EHMT1: variants seen among roughly 807,000 people sequenced by gnomAD.
The protein encoded by EHMT1 is euchromatic histone lysine methyltransferase 1, also known as histone-lysine N-methyltransferase EHMT1.
EHMT1 carries 15 observed loss-of-function variants against 147.2 expected under a neutral mutation model. That is an observed-to-expected ratio of 0.10 (90% CI 0.07 to 0.16). The LOEUF (loss-of-function observed/expected upper bound fraction) is 0.16. Among genes scored for constraint, EHMT1 ranks in the 10% least tolerant of loss-of-function variants. The pLI, the probability that EHMT1 is intolerant of heterozygous loss-of-function variation, is 1.00. For synonymous variants in EHMT1, 795 were observed against 709.6 expected (o/e 1.12, Z -1.91); for missense variants, 1,587 against 1,772.4 (o/e 0.90, Z 1.88).
At chr9:137,715,600 A>G (rs923584494) in intron 2 of EHMT1, 4 of 985,420 alleles carry the variant, frequency 4.1e-6, no homozygotes, top group Non-Finnish European at 4.8e-6. Context: ...TAGCGATGCC[A>G]TCGCAGGCTT....
At chr9:137,715,557 G>A (rs775469488) in intron 2 of EHMT1, 14 of 985,332 alleles carry the variant, frequency 1.4e-5, no homozygotes, top group Non-Finnish European at 1.7e-5. Context: ...CTGGGCGGTG[G>A]CATCTCAGGC....
intron 3 of EHMT1, among the ~76,000 whole-genome samples, chr9:137,724,012 A>G (rs1946345821): frequency 6.6e-6 from 1 of 152,198 alleles, no homozygotes; most frequent in Admixed American, 6.5e-5. Context: ...CTACCTGGAA[A>G]TGCTTGTTAC....
At chr9:137,642,140 C>T (rs891965930) in intron 1 of EHMT1, among the ~76,000 whole-genome samples, 8 of 152,190 alleles carry the variant, frequency 5.3e-5, no homozygotes, top group African/African-American at 1.7e-4. Flanking sequence ...GCGCCCGGCC[C>T]CAAATTTTTT....
At position 137,835,633 on chromosome 9, in the gene EHMT1, C is replaced by A. The variant is rs1564850053; in HGVS notation, c.*680C>A. 3.3e-5 allele frequency: 5 copies of A among 152,688 alleles called. No homozygotes were observed. The highest frequency in any genetic ancestry group is 2.0e-4 in the Admixed American group (3 of 15,282). The allele number at this position is 152,688 out of a possible 1,614,324, so 9.5% of individuals were successfully genotyped here. A position where few individuals can be genotyped will look rare whatever the true frequency, so the allele number is the denominator to read the frequency against. On this transcript the variant is annotated 3_prime_UTR_variant, in exon 27 of 27. Transcript: ENST00000460843. The stretch of plus-strand genomic sequence containing the variant: ...CCCCCGCCGGTTCCGTTGACGCTGG[C>A]ACCTTCTGTTGATTTTTTAAGCCAC...
At chr9:137,654,131 C>T (rs1938172813) in intron 1 of EHMT1, among the ~76,000 whole-genome samples, 1 of 152,126 alleles carries the variant, frequency 6.6e-6, no homozygotes, top group African/African-American at 2.4e-5. Context: ...CCTGTAATCC[C>T]AGCACTTTGG....
rs1951638340 is a variant in EHMT1, at chr9:137,782,511, G to C, written c.2382+114G>C. 2 of 1,005,094 alleles carry C rather than the reference G, an allele frequency of 2.0e-6. No homozygotes were observed. The highest frequency in any genetic ancestry group is 3.0e-4 in the Middle Eastern group (1 of 3,324). The allele number at this position is 1,005,094 out of a possible 1,614,324, so 62.3% of individuals were successfully genotyped here. A position where few individuals can be genotyped will look rare whatever the true frequency, so the allele number is the denominator to read the frequency against. Reference sequence around the variant, plus strand: ...CAGTGTAAGAGTTCCGTAGTGCTGTGAATCGGGCACAGAGTCAGCTTTTCT... The same window carrying C: ...CAGTGTAAGAGTTCCGTAGTGCTGTCAATCGGGCACAGAGTCAGCTTTTCT... On this transcript the variant is annotated intron_variant, in intron 15 of 26. Coordinates refer to ENST00000460843, the MANE Select transcript of EHMT1 (RefSeq NM_024757.5). The surrounding 1 kb of genome is among the most constrained non-coding windows in gnomAD (Gnocchi z 5.7).
chr9:137,694,800 C>T (rs578261304), intron 1 of EHMT1, among the ~76,000 whole-genome samples: 2 of 152,364 alleles, frequency 1.3e-5, no homozygotes, highest in African/African-American at 4.8e-5. Flanking sequence ...CGGCGAATCT[C>T]CTGGAAGGCA....
intron 1 of EHMT1, among the ~76,000 whole-genome samples, chr9:137,639,435 G>A (rs529441357): frequency 1.3e-5 from 2 of 152,174 alleles, no homozygotes; most frequent in East Asian, 1.9e-4. Flanking sequence ...CAGTACTGTC[G>A]AATTTTACAT....
chr9:137,739,648 T>C (rs1947879215), intron 4 of EHMT1, among the ~76,000 whole-genome samples: 1 of 152,166 alleles, frequency 6.6e-6, no homozygotes, highest in African/African-American at 2.4e-5. Context: ...AGGTCCCTAC[T>C]GGGTTCATTG....
chr9:137,756,194 C>T (rs1306418596), intron 8 of EHMT1, among the ~76,000 whole-genome samples: 1 of 152,196 alleles, frequency 6.6e-6, no homozygotes, highest in Non-Finnish European at 1.5e-5. Context: ...CCTGTCGGTT[C>T]ATTTTGCACT....
In EHMT1 at chr9:137,771,656, T is replaced by A. The variant is rs73576115; in HGVS notation, c.1648-3453T>A. On this transcript the variant is annotated intron_variant, in intron 10 of 26. Coordinates refer to ENST00000460843, the MANE Select transcript of EHMT1 (RefSeq NM_024757.5). Reference sequence around the variant, plus strand: ...GGACGACATGGTCTTACCGAGGAGATGGGGGTGCTGGGGTCTTACCGAGGA... The same window carrying A: ...GGACGACATGGTCTTACCGAGGAGAAGGGGGTGCTGGGGTCTTACCGAGGA... 2.6e-5 allele frequency among the ~76,000 whole-genome samples: 4 copies of A among 151,954 alleles called. No homozygotes were observed. In the East Asian group the frequency reaches 5.8e-4, roughly 22 times the overall value.
intron 17 of EHMT1, 74 bp downstream of exon 17, chr9:137,798,988 G>A (rs1288032996): frequency 8.0e-6 from 10 of 1,256,138 alleles, no homozygotes; most frequent in Non-Finnish European, 1.0e-5. Context: ...GCAGCTCCTG[G>A]TCCCACCCCC....
At chr9:137,784,295 C>T (rs1951791745) in intron 15 of EHMT1, 2 of 1,438,270 alleles carry the variant, frequency 1.4e-6, no homozygotes, top group Non-Finnish European at 9.2e-7. Flanking sequence ...TTCAGAGAGG[C>T]GTGGCTCCAT....
chr9:137,757,464 A>T (rs1003259850), intron 8 of EHMT1, among the ~76,000 whole-genome samples: 1 of 152,220 alleles, frequency 6.6e-6, no homozygotes, highest in South Asian at 2.1e-4. Flanking sequence ...GCTACTTTAC[A>T]TCTGATCTTT....
At chr9:137,677,187 G>A (rs1029573312) in intron 1 of EHMT1, among the ~76,000 whole-genome samples, 1 of 151,824 alleles carries the variant, frequency 6.6e-6, no homozygotes, top group African/African-American at 2.4e-5. Context: ...AGGCTGGATT[G>A]CCGTGACGCA....
intron 1 of EHMT1, among the ~76,000 whole-genome samples, chr9:137,656,858 A>G (rs1470570070): frequency 6.6e-6 from 1 of 152,088 alleles, no homozygotes; most frequent in Non-Finnish European, 1.5e-5. Flanking sequence ...CTCCTGCCTC[A>G]GCCTCCCGAG....
At chr9:137,801,195 G>C (rs1564789377) in intron 18 of EHMT1, among the ~76,000 whole-genome samples, 1 of 152,216 alleles carries the variant, frequency 6.6e-6, no homozygotes, top group South Asian at 2.1e-4. Flanking sequence ...ACCCTCTAGG[G>C]ATCTGCGGGT....
rs1951619416 is a variant in EHMT1 at position 137,782,325 on chromosome 9, C to T, written c.2310C>T (p.His770=). The T allele has an allele frequency of 5.0e-6, 8 of 1,613,552 alleles. No homozygotes were observed. The highest frequency in any genetic ancestry group is 6.8e-6 in the Non-Finnish European group (8 of 1,179,962). The change falls in exon 15 of 27, where the codon CAC becomes CAT. Residue 770 remains histidine (H), a synonymous_variant. Transcript: ENST00000460843. The surrounding 1 kb of genome is among the most constrained non-coding windows in gnomAD (Gnocchi z 5.7). ...DGIDPNFKME[H]QNKRSPLHAA... ...TTGACCCCAACTTCAAAATGGAGCA[C>T]CAGAATAAGCGCTCTCCACTGCACG...
Position 137,775,168 on chromosome 9 carries a change from C to T in EHMT1, c.1707C>T (p.Ala569=). 6.2e-7 allele frequency: 1 copy of T among 1,614,022 alleles called. No homozygotes were observed. Among genetic ancestry groups the T allele is most frequent in the Non-Finnish European group, 8.5e-7 (1 of 1,180,040 alleles). Residue 569 remains alanine (A), a synonymous_variant, in exon 11 of 27, where the codon GCC becomes GCT. Coordinates refer to ENST00000460843, the MANE Select transcript of EHMT1 (RefSeq NM_024757.5). This position sits in a 1 kb window ranked among gnomAD's most constrained non-coding sequence, Gnocchi z 6.1. ...AGCTGATGCGCCCCTCCAACAAGGC[C>T]CCGCTCCTCGTGCTGTGTGAAGACC... is the stretch of plus-strand genomic sequence containing the variant. ...KYELMRPSNK[A]PLLVLCEDHR...
Sources: gnomAD v4.1 joint callset for allele counts (sites outside exome capture counted in the v4.1 genomes callset) on GRCh38, gnomAD v4.1.1 for gene constraint, Gnocchi (gnomAD v3.1) non-coding constraint, MANE v1.5 for transcripts, NCBI Gene and HGNC (gene_info 2026-07-23, HGNC 2026-07-21) for gene names.